The following RPL38 variants were observed in gnomAD, a reference collection of about 807,000 sequenced individuals.
The protein encoded by RPL38 is large ribosomal subunit protein eL38.
In RPL38, 2 loss-of-function variants were observed where a neutral mutation model predicts 12.8. The observed-to-expected ratio is 0.16, with a 90% CI of 0.06 to 0.49. The LOEUF is 0.49. Among genes scored for constraint, RPL38 ranks in the 20% least tolerant of loss-of-function variants. The pLI is 0.96. For synonymous variants in RPL38, 42 were observed against 30.1 expected, an observed-to-expected ratio of 1.39 and a Z score of -1.29; for missense variants, 52 against 79.8, an observed-to-expected ratio of 0.65 and a Z score of 1.33.
Position 74,204,050 on chromosome 17 carries a change from C to T in RPL38, c.4-80C>T, listed in dbSNP as rs141455471. On this transcript the variant is annotated intron_variant, in intron 2 of 4. Coordinates refer to ENST00000311111, the MANE Select transcript of RPL38 (RefSeq NM_000999.4). Reference sequence around the variant, plus strand: ...GAGCCTCCCAAGGATCTCCTGAGGCCGGGAGAAGCTGGTGGACTGGGCCAT... The same window carrying T: ...GAGCCTCCCAAGGATCTCCTGAGGCTGGGAGAAGCTGGTGGACTGGGCCAT... The T allele has an allele frequency of 9.8e-4, 1,574 of 1,611,078 alleles. 18 individuals are homozygous for T. In the African/African-American group the frequency reaches 0.018, roughly 19 times the overall value.
intron 4 of RPL38, chr17:74,209,541 C>T (rs758955315): frequency 1.7e-5 from 11 of 641,410 alleles, no homozygotes; most frequent in Non-Finnish European, 2.9e-5. Context: ...TAATCCTGTT[C>T]ACGACCCTTC....
intron 3 of RPL38, among the ~76,000 whole-genome samples, chr17:74,208,899 A>G (rs2050139692): frequency 6.6e-6 from 1 of 152,166 alleles, no homozygotes; most frequent in Non-Finnish European, 1.5e-5. Flanking sequence ...TTGCGCCACT[A>G]CACTCCAGCC....
intron 3 of RPL38, chr17:74,205,327 A>C (rs1360896833): frequency 6.6e-6 from 1 of 152,212 alleles, no homozygotes; most frequent in Non-Finnish European, 1.5e-5. Context: ...ACTGAGAATC[A>C]GGTCACATGT....
intron 3 of RPL38, among the ~76,000 whole-genome samples, chr17:74,206,947 A>C (rs2050120864): frequency 6.7e-6 from 1 of 149,780 alleles, no homozygotes; most frequent in Non-Finnish European, 1.5e-5. Context: ...CTATCTCCTG[A>C]CCTCATGATC....
intron 4 of RPL38, among the ~76,000 whole-genome samples, 169 bp from the exon 5 acceptor site, chr17:74,209,635 A>G (rs60069808): frequency 0.062 from 9,454 of 152,226 alleles, 945 homozygotes; most frequent in African/African-American, 0.21. Flanking sequence ...TATCGAATAT[A>G]ATAGACCAAG....
rs1347240859 is a variant in RPL38 at position 74,209,224 on chromosome 17, T to G, written c.102T>G (p.Phe34Leu). The G allele has an allele frequency of 6.2e-7, 1 of 1,614,008 alleles. No homozygotes were observed. Reference protein sequence around the residue: ...KIKKNKDNVKFKVRCSRYLYT... With the variant: ...KIKKNKDNVKLKVRCSRYLYT... ...AGAAAAATAAGGACAACGTGAAGTT[T>G]AAAGTTCGATGCAGCAGATACCTTT... The change falls in exon 4 of 5, where the codon TTT becomes TTG. Residue 34 changes from phenylalanine to leucine, a missense_variant. Coordinates refer to ENST00000311111, the MANE Select transcript of RPL38 (RefSeq NM_000999.4).
chr17:74,205,017 A>G (rs770575537), intron 3 of RPL38: 1 of 152,250 alleles, frequency 6.6e-6, no homozygotes, highest in Non-Finnish European at 1.5e-5. Flanking sequence ...CTTCTACTGA[A>G]TGTATATCGC....
chr17:74,209,902 G>A lies in RPL38; in HGVS notation c.*73G>A. 6 of 1,333,404 alleles carry A rather than the reference G, an allele frequency of 4.5e-6. No homozygotes were observed. Among genetic ancestry groups the A allele is most frequent in the Non-Finnish European group, 6.5e-6 (6 of 926,972 alleles). The allele number at this position is 1,333,404 out of a possible 1,614,324, so 82.6% of individuals were successfully genotyped here. The stretch of plus-strand genomic sequence containing the variant: ...CTAAGTGTCTTTCGTCTTTGCGGAT[G>A]GGAAAGGGAAAAATGCTACCTCGTA... On this transcript the variant is annotated 3_prime_UTR_variant, in exon 5 of 5. Transcript: ENST00000311111.
rs544276387 is a variant in RPL38, at chr17:74,208,519, C to T, written c.65-668C>T. Among the ~76,000 whole-genome samples the T allele has an allele frequency of 1.3e-5, 2 of 152,258 alleles. 1 individual carries two copies. Among genetic ancestry groups the T allele is most frequent in the South Asian group, 4.1e-4 (2 of 4,824 alleles). ...CTGGAGGCATCCTGAAGAACGAGCT[C>T]TTACTGGCCCAGAATGTCATCTCAC... On this transcript the variant is annotated intron_variant, in intron 3 of 4. Coordinates refer to ENST00000311111, the MANE Select transcript of RPL38 (RefSeq NM_000999.4).
chr17:74,209,719 CTT>C (rs1210557816), intron 4 of RPL38, 83 bp from the exon 5 acceptor site: 52 of 1,202,320 alleles, frequency 4.3e-5, no homozygotes, highest in Non-Finnish European at 6.3e-5. Flanking sequence ...TGTGTGCTCT[CTT>C]TAGCTTAAGT....
intron 3 of RPL38, among the ~76,000 whole-genome samples, chr17:74,207,529 A>T (rs952200646): frequency 1.8e-3 from 268 of 150,506 alleles, no homozygotes; most frequent in African/African-American, 6.3e-3. Flanking sequence ...CTTTTTTTTT[A>T]TTTATTTTTT....
intron 3 of RPL38, 54 bp from the exon 4 acceptor site, chr17:74,209,133 T>C: frequency 1.2e-6 from 2 of 1,601,250 alleles, no homozygotes; most frequent in Non-Finnish European, 1.7e-6. Flanking sequence ...ACATGGACTG[T>C]GTCACATCTG....
chr17:74,203,845 C>CG (rs911706965), intron 1 of RPL38, 73 bp from the exon 2 acceptor site: 232 of 1,350,230 alleles, frequency 1.7e-4, no homozygotes, highest in Non-Finnish European at 2.1e-4. Flanking sequence ...GCCGATATTT[C>CG]GGGGGAGAGC....
chr17:74,203,710 TGTGA>T lies in RPL38; in HGVS notation c.-70_-67del, dbSNP rs773749981. ...GTCCTTTTCCCCGGTTGCTGCTTGCTGTGAGTGTCTCTAGGGTGATACGTGGGTG... is the reference window on the plus strand; with the variant it reads ...GTCCTTTTCCCCGGTTGCTGCTTGCTGTGTCTCTAGGGTGATACGTGGGTG... On this transcript the variant is annotated 5_prime_UTR_variant, in exon 1 of 5. Transcript: ENST00000311111. The T allele has an allele frequency of 3.9e-6, 2 of 519,312 alleles. No individual in the cohort carries two copies. The highest frequency in any genetic ancestry group is 6.8e-6 in the Non-Finnish European group (2 of 293,054). 32.2% of individuals were successfully genotyped at this position (519,312 alleles called of 1,614,324 possible).
rs200721640 is a variant in RPL38, at chr17:74,209,321, T to C, written c.187+12T>C. On this transcript the variant is annotated intron_variant, in intron 4 of 4. Transcript: ENST00000311111. ...GTCCCTGCCCCCCGGTGAGTGAGCC[T>C]GAAGTCACTTCAGGGGCGGGTGGGG... 6.2e-7 allele frequency: 1 copy of C among 1,613,574 alleles called. No homozygotes were observed. Among genetic ancestry groups the C allele is most frequent in the East Asian group, 2.2e-5 (1 of 44,864 alleles).
In RPL38 at chr17:74,209,880, AGT is replaced by A; in HGVS notation, c.*54_*55del. On this transcript the variant is annotated 3_prime_UTR_variant, in exon 5 of 5. Transcript: ENST00000311111. ...TTATATTAAAATACTAAAAATCCTAAGTGTCTTTCGTCTTTGCGGATGGGAAA... is the reference window on the plus strand; with the variant it reads ...TTATATTAAAATACTAAAAATCCTAAGTCTTTCGTCTTTGCGGATGGGAAA... 1.3e-6 allele frequency: 2 copies of A among 1,511,796 alleles called. No homozygotes were observed. Among genetic ancestry groups the A allele is most frequent in the Non-Finnish European group, 1.8e-6 (2 of 1,087,928 alleles). The allele number at this position is 1,511,796 out of a possible 1,614,324, so 93.6% of individuals were successfully genotyped here.
intron 3 of RPL38, among the ~76,000 whole-genome samples, chr17:74,208,247 C>T (rs1380516328): frequency 6.6e-6 from 1 of 152,170 alleles, no homozygotes; most frequent in African/African-American, 2.4e-5. Context: ...TCAGTGAATA[C>T]ATGGAGTGGT....
Position 74,203,968 on chromosome 17 carries a change from G to A in RPL38, c.3+10G>A. ...GCGCCTCGTCGCCATGGTGAGTACA[G>A]TCCCTGCCTGGCGCCTTCCCGGGGT... On this transcript the variant is annotated intron_variant, in intron 2 of 4. Coordinates refer to ENST00000311111, the MANE Select transcript of RPL38 (RefSeq NM_000999.4). 6.2e-7 allele frequency: 1 copy of A among 1,612,910 alleles called. No homozygotes were observed. The highest frequency in any genetic ancestry group is 1.1e-5 in the South Asian group (1 of 90,888).
At chr17:74,206,708 CTTTTTTTT>C (rs35333460) in intron 3 of RPL38, among the ~76,000 whole-genome samples, 5 of 101,590 alleles carry the variant, frequency 4.9e-5, no homozygotes, top group African/African-American at 1.6e-4. Flanking sequence ...TTTTTTCTTT[CTTTTTTTT>C]TTTTTTTTTT....
Sources: allele counts gnomAD v4.1 joint callset (sites outside exome capture counted in the v4.1 genomes callset), GRCh38; gene constraint gnomAD v4.1.1; transcripts MANE v1.5; gene names NCBI Gene and HGNC (gene_info 2026-07-23, HGNC 2026-07-21).